Variants in ARHGAP32 observed in about 807,000 individuals in gnomAD.
ARHGAP32 encodes rho GTPase-activating protein 32.
Under a neutral mutation model 186.5 loss-of-function variants are expected in ARHGAP32, and 51 were observed. The observed-to-expected ratio is 0.27, with a 90% CI of 0.22 to 0.35. The LOEUF is 0.35. ARHGAP32 is among the 10% of genes least tolerant of loss of function. The probability of loss-of-function intolerance (pLI) is 1.00; values close to 1 mark genes in which losing one functional copy is unlikely to be tolerated. For missense variants in ARHGAP32, 2,186 were observed against 2,623.5 expected, an observed-to-expected ratio of 0.83 and a Z score of 3.64; for synonymous variants, 950 against 964.3, an observed-to-expected ratio of 0.99 and a Z score of 0.27.
intron 1 of ARHGAP32, among the ~76,000 whole-genome samples, chr11:129,260,590 T>C (rs1213453766): frequency 3.1e-4 from 47 of 152,182 alleles, no homozygotes. Flanking sequence ...AGTATGATCA[T>C]GTAAAATATA....
intron 1 of ARHGAP32, among the ~76,000 whole-genome samples, chr11:129,249,012 C>T (rs766986567): frequency 1.3e-5 from 2 of 152,050 alleles, no homozygotes; most frequent in Non-Finnish European, 2.9e-5. Flanking sequence ...CAATGCCACA[C>T]GAATTAGCTC....
intron 1 of ARHGAP32, chr11:129,202,943 T>C (rs1007869238): frequency 6.6e-6 from 1 of 152,214 alleles, no homozygotes; most frequent in African/African-American, 2.4e-5. Context: ...GCGTAGCAGA[T>C]TCTACTGAAT....
At chr11:129,119,392 T>A (rs549337818) in intron 5 of ARHGAP32, among the ~76,000 whole-genome samples, 9 of 152,100 alleles carry the variant, frequency 5.9e-5, no homozygotes, top group African/African-American at 1.9e-4. Context: ...TAAATACTCA[T>A]AAGGAATATA....
intron 1 of ARHGAP32, among the ~76,000 whole-genome samples, chr11:129,177,206 T>C (rs1343082939): frequency 6.6e-6 from 1 of 152,100 alleles, no homozygotes; most frequent in Non-Finnish European, 1.5e-5. Context: ...ATAAATTCCT[T>C]GACACATACA....
At chr11:129,090,808 A>G (rs1444061919) in intron 6 of ARHGAP32, among the ~76,000 whole-genome samples, 4 of 152,204 alleles carry the variant, frequency 2.6e-5, no homozygotes, top group African/African-American at 7.2e-5. Context: ...GTGGGGCTCA[A>G]TATAATTAGT....
chr11:128,973,755 T>G (rs1441560933), intron 21 of ARHGAP32: 1 of 519,684 alleles, frequency 1.9e-6, no homozygotes, highest in Non-Finnish European at 3.4e-6. Flanking sequence ...ACTGTTATTA[T>G]GAACAGTTTT....
intron 1 of ARHGAP32, among the ~76,000 whole-genome samples, chr11:129,210,543 A>G (rs1388035456): frequency 6.6e-6 from 1 of 152,152 alleles, no homozygotes; most frequent in Non-Finnish European, 1.5e-5. Context: ...GAAATTTTCA[A>G]ATTATTACCC....
intron 1 of ARHGAP32, among the ~76,000 whole-genome samples, chr11:129,169,153 A>C (rs1310815194): frequency 6.6e-6 from 1 of 152,200 alleles, no homozygotes; most frequent in African/African-American, 2.4e-5. Flanking sequence ...AAAATGTTTA[A>C]ATAACAAATC....
chr11:129,166,171 T>G (rs1403221926), intron 1 of ARHGAP32, among the ~76,000 whole-genome samples: 1 of 151,980 alleles, frequency 6.6e-6, no homozygotes, highest in African/African-American at 2.4e-5. Context: ...GAAGATAGTT[T>G]AGTAGAAAAT....
chr11:129,111,631 G>A lies in ARHGAP32; in HGVS notation c.444+11815C>T, dbSNP rs571948428. Among the ~76,000 whole-genome samples, 595 of 152,232 alleles carry A rather than the reference G, an allele frequency of 3.9e-3. 2 individuals carry two copies. Among genetic ancestry groups the A allele is most frequent in the African/African-American group, 0.014 (569 of 41,548 alleles). ...CTTCCTGATTCAATTTTAGTAGGCT[G>A]CACGTGCCCAGAAATTTATCCGTTT... On this transcript the variant is annotated intron_variant, in intron 5 of 22. Coordinates refer to ENST00000682385, the MANE Select transcript of ARHGAP32 (RefSeq NM_001378024.1).
At chr11:129,135,836 G>A (rs1347940578) in intron 2 of ARHGAP32, among the ~76,000 whole-genome samples, 1 of 152,032 alleles carries the variant, frequency 6.6e-6, no homozygotes, top group African/African-American at 2.4e-5. Context: ...ATTTTAAATA[G>A]TTCACAGACC....
At chr11:129,165,234 A>G (rs1319826397) in intron 1 of ARHGAP32, among the ~76,000 whole-genome samples, 3 of 152,038 alleles carry the variant, frequency 2.0e-5, no homozygotes, top group Non-Finnish European at 4.4e-5. Context: ...CTAAGCTTAC[A>G]AATATGTAGG....
chr11:129,049,682 G>A (rs1939958831), intron 10 of ARHGAP32, among the ~76,000 whole-genome samples: 1 of 152,026 alleles, frequency 6.6e-6, no homozygotes, highest in African/African-American at 2.4e-5. Flanking sequence ...TATCTTTGAG[G>A]ATCACTCATG....
chr11:129,102,504 T>A (rs2135305751), intron 5 of ARHGAP32, among the ~76,000 whole-genome samples: 1 of 152,166 alleles, frequency 6.6e-6, no homozygotes, highest in African/African-American at 2.4e-5. Flanking sequence ...GGAACTTCTA[T>A]CACCTAACAA....
intron 6 of ARHGAP32, among the ~76,000 whole-genome samples, chr11:129,076,329 T>C (rs1424260350): frequency 6.6e-6 from 1 of 152,206 alleles, no homozygotes; most frequent in Non-Finnish European, 1.5e-5. Context: ...TCTTTATTCC[T>C]TTATTTTTCT....
At chr11:128,980,067 C>T (rs931734520) in intron 18 of ARHGAP32, among the ~76,000 whole-genome samples, 5 of 152,336 alleles carry the variant, frequency 3.3e-5, no homozygotes, top group Admixed American at 6.5e-5. Context: ...GACTGGACGA[C>T]TGCACAATGT....
intron 1 of ARHGAP32, among the ~76,000 whole-genome samples, chr11:129,166,236 T>A (rs1943637846): frequency 6.6e-6 from 1 of 151,662 alleles, no homozygotes; most frequent in African/African-American, 2.4e-5. Flanking sequence ...CAAAATAGTA[T>A]AAAGGATGAG....
intron 12 of ARHGAP32, among the ~76,000 whole-genome samples, chr11:128,997,991 G>C (rs1200399254): frequency 6.6e-6 from 1 of 152,144 alleles, no homozygotes; most frequent in African/African-American, 2.4e-5. Context: ...AAATATTTTA[G>C]GATAAAATGT....
In ARHGAP32 at chr11:128,965,371, T is replaced by C. The variant is rs979079584; in HGVS notation, c.*3536A>G. 4 of 152,008 alleles carry C rather than the reference T, an allele frequency of 2.6e-5. No homozygotes were observed. Among genetic ancestry groups the C allele is most frequent in the African/African-American group, 9.7e-5 (4 of 41,344 alleles). The allele number at this position is 152,008 out of a possible 1,614,324, so 9.4% of individuals were successfully genotyped here. On this transcript the variant is annotated 3_prime_UTR_variant, in exon 23 of 23. Coordinates refer to ENST00000682385, the MANE Select transcript of ARHGAP32 (RefSeq NM_001378024.1). ...ACCAGTTCACAAAAATATTAAGACATAAAAAAACACTATATAAATTAAAAT... is the reference window on the plus strand; with the variant it reads ...ACCAGTTCACAAAAATATTAAGACACAAAAAAACACTATATAAATTAAAAT...
Sources: allele counts gnomAD v4.1 joint callset (sites outside exome capture counted in the v4.1 genomes callset), GRCh38; gene constraint gnomAD v4.1.1; transcripts MANE v1.5; gene names NCBI Gene and HGNC (gene_info 2026-07-23, HGNC 2026-07-21).